The following RBM47 variants were observed in gnomAD, a reference collection of about 807,000 sequenced individuals.
The protein encoded by RBM47 is RNA binding motif protein 47.
RBM47 carries 21 observed loss-of-function variants against 47.1 expected under a neutral mutation model. That is an observed-to-expected ratio of 0.45 (90% CI 0.32 to 0.64). RBM47 has a LOEUF of 0.64. RBM47 is among the 30% of genes least tolerant of loss of function. The pLI is 0.05. For missense variants in RBM47, 708 were observed against 870.9 expected, an observed-to-expected ratio of 0.81 and a Z score of 2.35; for synonymous variants, 375 against 361.7, an observed-to-expected ratio of 1.04 and a Z score of -0.42.
chr4:40,445,869 C>T lies in RBM47; in HGVS notation c.-31-6945G>A, dbSNP rs188673998. On this transcript the variant is annotated intron_variant, in intron 3 of 6. Transcript: ENST00000295971. ...GTGGACAGAATGAATAATAAGTATA[C>T]TTCAGAAGTAGAAACTTATCTGTGA... Among the ~76,000 whole-genome samples, 8 of 152,268 alleles carry T rather than the reference C, an allele frequency of 5.3e-5. No individual in the cohort carries two copies. In the East Asian group the frequency reaches 1.5e-3, roughly 29 times the overall value.
chr4:40,490,651 C>T (rs1025260062), intron 2 of RBM47, among the ~76,000 whole-genome samples: 3 of 151,432 alleles, frequency 2.0e-5, no homozygotes, highest in Admixed American at 6.6e-5. Flanking sequence ...GGCGCCTGGC[C>T]GAGACATAAG....
chr4:40,556,963 T>A (rs1176580128), intron 1 of RBM47, among the ~76,000 whole-genome samples: 1 of 142,846 alleles, frequency 7.0e-6, no homozygotes, highest in Non-Finnish European at 1.5e-5. Context: ...AGCCTGAGAA[T>A]GTGTGTTGGG....
chr4:40,550,921 C>A (rs1364810876), intron 1 of RBM47, among the ~76,000 whole-genome samples: 3 of 151,014 alleles, frequency 2.0e-5, no homozygotes, highest in East Asian at 1.9e-4. Context: ...AAAAAAAAAA[C>A]TTCCTTATGC....
intron 2 of RBM47, among the ~76,000 whole-genome samples, chr4:40,522,692 T>C (rs1169737941): frequency 1.3e-5 from 2 of 152,148 alleles, no homozygotes; most frequent in East Asian, 1.9e-4. Context: ...CCTCAATAGA[T>C]TGAAGCAGAA....
intron 1 of RBM47, among the ~76,000 whole-genome samples, chr4:40,552,868 C>T (rs1432808850): frequency 1.3e-5 from 2 of 152,370 alleles, no homozygotes; most frequent in East Asian, 3.8e-4. Flanking sequence ...CTTTCCCAGC[C>T]TTTACACCAC....
chr4:40,511,626 C>T (rs188151688), intron 2 of RBM47, among the ~76,000 whole-genome samples: 1 of 152,184 alleles, frequency 6.6e-6, no homozygotes, highest in Non-Finnish European at 1.5e-5. Context: ...CCAACGTAGC[C>T]TTTGTTGATC....
intron 1 of RBM47, among the ~76,000 whole-genome samples, chr4:40,564,097 G>C (rs968437698): frequency 1.3e-5 from 2 of 152,180 alleles, no homozygotes; most frequent in Admixed American, 6.5e-5. Flanking sequence ...ACAAGGTGTA[G>C]AGGTCACCAC....
At chr4:40,535,038 TG>T (rs1727803740) in intron 2 of RBM47, among the ~76,000 whole-genome samples, 1 of 152,210 alleles carries the variant, frequency 6.6e-6, no homozygotes, top group Admixed American at 6.6e-5. Flanking sequence ...AGTTCCCTGT[TG>T]TCTTTTAAGT....
intron 2 of RBM47, among the ~76,000 whole-genome samples, chr4:40,513,541 G>A (rs757642413): frequency 6.6e-6 from 1 of 152,006 alleles, no homozygotes; most frequent in Non-Finnish European, 1.5e-5. Context: ...TAAGGCTGTA[G>A]CTTTATTATA....
At chr4:40,439,996 C>G (rs1056026753) in intron 3 of RBM47, among the ~76,000 whole-genome samples, 1 of 152,166 alleles carries the variant, frequency 6.6e-6, no homozygotes, top group Non-Finnish European at 1.5e-5. Context: ...TAAACAGCCA[C>G]GTATCACAGT....
At chr4:40,592,974 TA>T (rs1734367816) in intron 1 of RBM47, among the ~76,000 whole-genome samples, 4 of 17,402 alleles carry the variant, frequency 2.3e-4, no homozygotes, top group Non-Finnish European at 3.9e-4. Flanking sequence ...TATATATATA[TA>T]TATATTTTTT....
intron 1 of RBM47, among the ~76,000 whole-genome samples, chr4:40,557,703 C>G (rs989722637): frequency 6.6e-6 from 1 of 151,780 alleles, no homozygotes; most frequent in South Asian, 2.1e-4. Context: ...GAGCCAAGGT[C>G]GCACCATTGC....
intron 1 of RBM47, among the ~76,000 whole-genome samples, chr4:40,599,148 C>T (rs1735015204): frequency 6.6e-6 from 1 of 150,934 alleles, no homozygotes; most frequent in Non-Finnish European, 1.5e-5. Flanking sequence ...ATCCCAGCTA[C>T]ATAGGAGGTT....
At chr4:40,462,997 G>A (rs1385890107) in intron 3 of RBM47, among the ~76,000 whole-genome samples, 1 of 152,174 alleles carries the variant, frequency 6.6e-6, no homozygotes, top group Non-Finnish European at 1.5e-5. Flanking sequence ...ACACTGTCAA[G>A]AGAGTGAAAA....
chr4:40,558,996 A>T (rs1730363466), intron 1 of RBM47, among the ~76,000 whole-genome samples: 1 of 152,162 alleles, frequency 6.6e-6, no homozygotes. Flanking sequence ...TCCGTCTCAA[A>T]AAAGAAATGT....
intron 2 of RBM47, among the ~76,000 whole-genome samples, chr4:40,481,478 TTATTA>T (rs1560406154): frequency 6.7e-4 from 85 of 127,034 alleles, no homozygotes; most frequent in African/African-American, 1.9e-3. Flanking sequence ...ATTATTATTA[TTATTA>T]TTATTTTTAT....
intron 2 of RBM47, among the ~76,000 whole-genome samples, chr4:40,477,654 C>G (rs1434049147): frequency 1.3e-5 from 2 of 151,956 alleles, no homozygotes; most frequent in African/African-American, 4.8e-5. Flanking sequence ...CAAAAAATAA[C>G]TTAGGCAAAA....
In RBM47 at chr4:40,426,779, T is replaced by C. The variant is rs149710742; in HGVS notation, c.1543-636A>G. The C allele has an allele frequency of 7.9e-5, 12 of 152,522 alleles. No individual in the cohort carries two copies. In the East Asian group the frequency reaches 2.1e-3, roughly 27 times the overall value. 9.4% of individuals were successfully genotyped at this position (152,522 alleles called of 1,614,324 possible). ...GTTGTATTGTTATTTTTTATTGTCT[T>C]TATTCAAGCCACGGTTGGTTGAATC... is the stretch of plus-strand genomic sequence containing the variant. On this transcript the variant is annotated intron_variant, in intron 6 of 6. Coordinates refer to ENST00000295971, the MANE Select transcript of RBM47 (RefSeq NM_001098634.2).
chr4:40,504,454 C>T (rs931171924), intron 2 of RBM47, among the ~76,000 whole-genome samples: 1 of 151,966 alleles, frequency 6.6e-6, no homozygotes, highest in South Asian at 2.1e-4. Context: ...CCACACCTGA[C>T]TAATCTTTTT....
Sources: gnomAD v4.1 joint callset for allele counts (sites outside exome capture counted in the v4.1 genomes callset) on GRCh38, gnomAD v4.1.1 for gene constraint, MANE v1.5 for transcripts, NCBI Gene and HGNC (gene_info 2026-07-23, HGNC 2026-07-21) for gene names.